The following SHCBP1L variants were observed in gnomAD, a reference collection of about 807,000 sequenced individuals.
SHCBP1L encodes SHC binding and spindle associated 1 like.
A neutral mutation model predicts 62.5 loss-of-function variants in SHCBP1L; 67 were observed. The ratio of observed to expected loss-of-function variants is 1.07; its 90% CI spans 0.88 to 1.31. SHCBP1L has a LOEUF of 1.31. Ranked by LOEUF, SHCBP1L falls within the 40% of genes most tolerant of loss-of-function variation. SHCBP1L has a pLI of 0.00. For synonymous variants in SHCBP1L, 284 were observed against 289.4 expected, an observed-to-expected ratio of 0.98 and a Z score of 0.19; for missense variants, 823 against 809.8, an observed-to-expected ratio of 1.02 and a Z score of -0.20.
intron 6 of SHCBP1L, among the ~76,000 whole-genome samples, chr1:182,927,109 T>C (rs1650787131): frequency 1.2e-5 from 1 of 85,888 alleles, no homozygotes; most frequent in South Asian, 4.0e-4. Flanking sequence ...TATATATATA[T>C]ATATACTCTC....
At chr1:182,952,701 G>T in intron 1 of SHCBP1L, 28 bp downstream of exon 1, 1 of 1,570,050 alleles carries the variant, frequency 6.4e-7, no homozygotes, top group Non-Finnish European at 8.7e-7. Flanking sequence ...GCTTCCGACC[G>T]TAGTCTTCCT....
intron 9 of SHCBP1L, among the ~76,000 whole-genome samples, chr1:182,902,211 G>C (rs1557987696): frequency 6.6e-6 from 1 of 151,596 alleles, no homozygotes. Flanking sequence ...CACCACGGTT[G>C]GCTAATTTTT....
intron 6 of SHCBP1L, among the ~76,000 whole-genome samples, chr1:182,919,564 A>G (rs927370515): frequency 1.3e-5 from 2 of 152,148 alleles, no homozygotes; most frequent in African/African-American, 2.4e-5. Flanking sequence ...AAAGCAGCTG[A>G]ATTTCCTCAA....
chr1:182,916,852 A>C (rs1395516159), intron 6 of SHCBP1L, among the ~76,000 whole-genome samples: 2 of 152,222 alleles, frequency 1.3e-5, no homozygotes, highest in Non-Finnish European at 2.9e-5. Context: ...TAACTTATGA[A>C]TGCAAAGAGG....
In SHCBP1L at chr1:182,952,975, G is replaced by T; in HGVS notation, c.159C>A (p.Ser53=). Residue 53 remains serine, a synonymous_variant, in exon 1 of 10, where the codon TCC becomes TCA. Coordinates refer to ENST00000367547, the MANE Select transcript of SHCBP1L (RefSeq NM_030933.4). The stretch of plus-strand genomic sequence containing the variant: ...CCGCTTTCCCCTTCACCGGGCGAGG[G>T]GAGGCCACCACCGACCGCACTGGGA... ...TAIPVRSVVA[S]PRPVKGKAGR... 1 of 1,544,092 alleles carries T rather than the reference G, an allele frequency of 6.5e-7. No individual in the cohort carries two copies. The highest frequency in any genetic ancestry group is 8.7e-7 in the Non-Finnish European group (1 of 1,147,870).
chr1:182,949,950 T>G (rs1007765076), intron 2 of SHCBP1L, among the ~76,000 whole-genome samples: 4 of 151,616 alleles, frequency 2.6e-5, no homozygotes, highest in African/African-American at 7.3e-5. Context: ...CACAGGTGTG[T>G]GCCTGTTTTT....
intron 6 of SHCBP1L, among the ~76,000 whole-genome samples, chr1:182,916,776 G>A (rs911085123): frequency 6.6e-6 from 1 of 152,098 alleles, no homozygotes; most frequent in Non-Finnish European, 1.5e-5. Flanking sequence ...AAAAGTCCAA[G>A]ATCAGATAGC....
chr1:182,916,465 T>A (rs1039829678), intron 6 of SHCBP1L, among the ~76,000 whole-genome samples: 7 of 152,176 alleles, frequency 4.6e-5, no homozygotes, highest in African/African-American at 1.7e-4. Context: ...TTAGCTAGAC[T>A]AAGAGAAAGA....
intron 2 of SHCBP1L, among the ~76,000 whole-genome samples, chr1:182,941,458 C>G (rs1332483372): frequency 6.6e-6 from 1 of 151,938 alleles, no homozygotes; most frequent in Non-Finnish European, 1.5e-5. Context: ...AATTTGGAAG[C>G]AAATTTTCTT....
chr1:182,904,102 C>A, intron 8 of SHCBP1L, 78 bp downstream of exon 8: 2 of 1,501,458 alleles, frequency 1.3e-6, no homozygotes, highest in Non-Finnish European at 8.9e-7. Context: ...AAATTGCTAC[C>A]CTTTATTTGT....
rs1454027723 is a variant in SHCBP1L at position 182,935,388 on chromosome 1, A to T, written c.1076+3788T>A. Among the ~76,000 whole-genome samples, 5 of 152,182 alleles carry T rather than the reference A, an allele frequency of 3.3e-5. No individual in the cohort carries two copies. In the East Asian group the frequency reaches 9.6e-4, roughly 29 times the overall value. On this transcript the variant is annotated intron_variant, in intron 5 of 9. Coordinates refer to ENST00000367547, the MANE Select transcript of SHCBP1L (RefSeq NM_030933.4). ...ATAGGTCCTATATTTTGTTAGGTATATACCTAAGTATTTCACATTTTTGGT... is the reference window on the plus strand; with the variant it reads ...ATAGGTCCTATATTTTGTTAGGTATTTACCTAAGTATTTCACATTTTTGGT...
intron 6 of SHCBP1L, among the ~76,000 whole-genome samples, chr1:182,921,408 A>C (rs1242097426): frequency 6.6e-6 from 1 of 152,234 alleles, no homozygotes; most frequent in Non-Finnish European, 1.5e-5. Context: ...ACTTAAGGAC[A>C]TAGACCATTC....
At chr1:182,930,423 A>T (rs1650930618) in intron 5 of SHCBP1L, among the ~76,000 whole-genome samples, 1 of 151,212 alleles carries the variant, frequency 6.6e-6, no homozygotes, top group African/African-American at 2.4e-5. Context: ...CATTACTGTC[A>T]GCCAAAAGGG....
chr1:182,936,246 G>A (rs529882962), intron 5 of SHCBP1L, among the ~76,000 whole-genome samples: 18 of 143,594 alleles, frequency 1.3e-4, no homozygotes, highest in South Asian at 4.4e-4. Flanking sequence ...AGTGATTCTC[G>A]TGTCTCAGCC....
Position 182,899,932 on chromosome 1 carries a change from T to C in SHCBP1L, c.*51A>G. On this transcript the variant is annotated 3_prime_UTR_variant, in exon 10 of 10. Coordinates refer to ENST00000367547, the MANE Select transcript of SHCBP1L (RefSeq NM_030933.4). ...CCATTTCAGTGGGGTATGAGAATCA[T>C]GTATTAAACAAATTTGTGAAATATA... 6.8e-7 allele frequency: 1 copy of C among 1,471,706 alleles called. No individual in the cohort carries two copies. Among genetic ancestry groups the C allele is most frequent in the Non-Finnish European group, 9.1e-7 (1 of 1,100,816 alleles). 91.2% of individuals were successfully genotyped at this position (1,471,706 alleles called of 1,614,324 possible).
intron 5 of SHCBP1L, among the ~76,000 whole-genome samples, chr1:182,938,884 G>A (rs1412611355): frequency 6.6e-6 from 1 of 152,140 alleles, no homozygotes; most frequent in Non-Finnish European, 1.5e-5. Context: ...TATATATAGA[G>A]GAGGTCCACC....
At chr1:182,948,231 T>C (rs1651628408) in intron 2 of SHCBP1L, among the ~76,000 whole-genome samples, 1 of 152,186 alleles carries the variant, frequency 6.6e-6, no homozygotes, top group African/African-American at 2.4e-5. Flanking sequence ...TGGTTGGTTA[T>C]TGTATGAATT....
intron 2 of SHCBP1L, among the ~76,000 whole-genome samples, chr1:182,948,188 A>G (rs1168776242): frequency 1.3e-5 from 2 of 152,192 alleles, no homozygotes; most frequent in Non-Finnish European, 2.9e-5. Context: ...ACTGTTCAGG[A>G]GTCAACACTA....
chr1:182,924,347 G>A (rs1240963762), intron 6 of SHCBP1L, among the ~76,000 whole-genome samples: 2 of 148,324 alleles, frequency 1.3e-5, no homozygotes, highest in African/African-American at 5.0e-5. Context: ...CACCCAGGCT[G>A]GAGTGCAGTG....
Sources: allele counts gnomAD v4.1 joint callset (sites outside exome capture counted in the v4.1 genomes callset), GRCh38; gene constraint gnomAD v4.1.1; transcripts MANE v1.5; gene names NCBI Gene and HGNC (gene_info 2026-07-23, HGNC 2026-07-21).